Variants in CTSB observed in about 807,000 individuals in gnomAD.
CTSB encodes APP secretase.
In CTSB, 57 loss-of-function variants were observed where a neutral mutation model predicts 44.3. The ratio of observed to expected loss-of-function variants is 1.29; its 90% CI spans 1.04 to 1.60. The LOEUF is 1.60. Ranked by LOEUF, CTSB falls within the 40% of genes most tolerant of loss-of-function variation. The pLI, the probability that CTSB is intolerant of heterozygous loss-of-function variation, is 0.00. For synonymous variants in CTSB, 320 were observed against 168.0 expected (o/e 1.91, Z -7.00); for missense variants, 768 against 443.0 (o/e 1.73, Z -6.59).
At chr8:11,853,195 G>C in intron 2 of CTSB, 134 bp downstream of exon 2, 1 of 1,264,386 alleles carries the variant, frequency 7.9e-7, no homozygotes. Flanking sequence ...CATGACTCAG[G>C]GTCAGGGCCA....
rs762463861 is a variant in CTSB, at chr8:11,852,595, G to A, written c.212+15C>T. Reference sequence around the variant, plus strand: ...GCCACTCACATTACAGCGGTGCAGAGGAGCAGGCACTCACCTCTGGGGTGG... The same window carrying A: ...GCCACTCACATTACAGCGGTGCAGAAGAGCAGGCACTCACCTCTGGGGTGG... On this transcript the variant is annotated intron_variant, in intron 3 of 9. Coordinates refer to ENST00000353047, the MANE Select transcript of CTSB (RefSeq NM_001908.5). The A allele has an allele frequency of 1.9e-6, 3 of 1,608,236 alleles. No homozygotes were observed. The highest frequency in any genetic ancestry group is 2.2e-5 in the South Asian group (2 of 90,850).
chr8:11,847,201 G>A (rs557466863), intron 7 of CTSB, 33 bp from the exon 8 acceptor site: 10 of 1,413,164 alleles, frequency 7.1e-6, no homozygotes, highest in South Asian at 1.2e-5. Flanking sequence ...GGTTGGGGAG[G>A]GCAGTGACCG....
intron 1 of CTSB, chr8:11,867,742 G>A (rs1319897857): frequency 6.6e-6 from 1 of 152,248 alleles, no homozygotes; most frequent in Non-Finnish European, 1.5e-5. Context: ...GCCCGGGGAG[G>A]GGAGCGGAGG....
intron 9 of CTSB, 52 bp downstream of exon 9, chr8:11,845,609 G>A (rs879004999): frequency 3.8e-5 from 60 of 1,588,090 alleles, no homozygotes; most frequent in South Asian, 2.8e-4. Flanking sequence ...AGATGGCCAC[G>A]GGGTGTGGCT....
intron 1 of CTSB, 152 bp from the exon 2 acceptor site, chr8:11,853,631 C>T (rs1815005623): frequency 5.5e-6 from 4 of 730,438 alleles, no homozygotes; most frequent in African/African-American, 5.4e-5. Flanking sequence ...TCTATGGGAT[C>T]CCCGCCCCCC....
At chr8:11,856,677 A>G (rs558043044) in intron 1 of CTSB, among the ~76,000 whole-genome samples, 7 of 152,288 alleles carry the variant, frequency 4.6e-5, no homozygotes, top group South Asian at 2.1e-4. Context: ...CCAAGTCCCA[A>G]TGTTAAGTGG....
At chr8:11,863,785 G>A (rs1009702362) in intron 1 of CTSB, among the ~76,000 whole-genome samples, 1 of 152,172 alleles carries the variant, frequency 6.6e-6, no homozygotes, top group African/African-American at 2.4e-5. Context: ...ACTATCTAGT[G>A]TTGGTAAATG....
At chr8:11,846,634 T>C (rs750160055) in intron 8 of CTSB, among the ~76,000 whole-genome samples, 2 of 151,984 alleles carry the variant, frequency 1.3e-5, no homozygotes, top group East Asian at 1.9e-4. Context: ...AAGAGAAAGA[T>C]GAAGAAAATG....
chr8:11,850,477 T>G (rs1213983782), intron 4 of CTSB: 1 of 154,968 alleles, frequency 6.5e-6, no homozygotes, highest in Non-Finnish European at 1.4e-5. Flanking sequence ...TTGCTAAGAT[T>G]ATTACATTTC....
In CTSB at chr8:11,844,519, G is replaced by C. The variant is rs899445960; in HGVS notation, c.*606C>G. On this transcript the variant is annotated 3_prime_UTR_variant, in exon 10 of 10. Transcript: ENST00000353047. ...CATAAGGAGGCAATCTGTAAAACTA[G>C]CACAGGTCTCCCGCTGTTCCACTGG... 1 of 152,318 alleles carries C rather than the reference G, an allele frequency of 6.6e-6. No homozygotes were observed. 9.4% of individuals were successfully genotyped at this position (152,318 alleles called of 1,614,324 possible).
intron 1 of CTSB, among the ~76,000 whole-genome samples, chr8:11,863,783 G>C (rs1447526584): frequency 1.3e-5 from 2 of 152,144 alleles, no homozygotes; most frequent in Non-Finnish European, 2.9e-5. Context: ...GTACTATCTA[G>C]TGTTGGTAAA....
chr8:11,847,749 T>TC lies in CTSB; in HGVS notation c.605dup (p.Asp203ArgfsTer6), dbSNP rs1276770832. 1.9e-6 allele frequency: 3 copies of TC among 1,601,978 alleles called. No homozygotes were observed. The highest frequency in any genetic ancestry group is 2.6e-6 in the Non-Finnish European group (3 of 1,176,008). On this transcript the variant is annotated frameshift_variant, in exon 7 of 10. Coordinates refer to ENST00000353047, the MANE Select transcript of CTSB (RefSeq NM_001908.5). LOFTEE classifies it high-confidence loss of function. The stretch of plus-strand genomic sequence containing the variant: ...AGATCTTGCTACACTTGGGGGTATC[T>TC]CCCTCCCCCGTGCATGGGGGCCGGG...
chr8:11,846,750 G>A (rs962383084), intron 8 of CTSB, among the ~76,000 whole-genome samples: 8 of 152,236 alleles, frequency 5.3e-5, no homozygotes, highest in Non-Finnish European at 8.8e-5. Context: ...CCACCAGGGA[G>A]GGGGGCGTTC....
intron 8 of CTSB, chr8:11,846,247 G>GGAAA (rs1208520545): frequency 6.6e-6 from 1 of 152,630 alleles, no homozygotes; most frequent in Admixed American, 6.5e-5. Flanking sequence ...CTAGCTGATG[G>GGAAA]GAAAGATACT....
chr8:11,848,674 CTTG>C (rs993190927), intron 5 of CTSB: 32 of 306,664 alleles, frequency 1.0e-4, no homozygotes, highest in East Asian at 2.4e-4. Context: ...GTGCCACCAC[CTTG>C]TTGTTAAGGT....
intron 9 of CTSB, 27 bp from the exon 10 acceptor site, chr8:11,845,249 A>G (rs1386590519): frequency 7.8e-6 from 12 of 1,544,446 alleles, no homozygotes; most frequent in African/African-American, 2.7e-5. Flanking sequence ...AGGTGCTTTT[A>G]AAGTGTGACA....
chr8:11,849,037 C>T lies in CTSB; in HGVS notation c.446+9G>A. On this transcript the variant is annotated intron_variant, in intron 5 of 9. Coordinates refer to ENST00000353047, the MANE Select transcript of CTSB (RefSeq NM_001908.5). The stretch of plus-strand genomic sequence containing the variant: ...ACTAAACCCGCTGTGGAAGCACAGC[C>T]TGACTCACCCGTCCCCACACATGCT... 6.2e-7 allele frequency: 1 copy of T among 1,606,636 alleles called. No homozygotes were observed. Among genetic ancestry groups the T allele is most frequent in the African/African-American group, 1.3e-5 (1 of 74,902 alleles).
rs1435140597 is a variant in CTSB at position 11,845,139 on chromosome 8, A to G, written c.1006T>C (p.Trp336Arg). 2 of 1,612,882 alleles carry G rather than the reference A, an allele frequency of 1.2e-6. No homozygotes were observed. Among genetic ancestry groups the G allele is most frequent in the Admixed American group, 1.7e-5 (1 of 60,000 alleles). The change falls in exon 10 of 10, where the codon TGG becomes CGG. Residue 336 changes from tryptophan (W) to arginine (R), a missense_variant. Transcript: ENST00000353047. ...VAGIPRTDQY[W>R]EKI ...CCCACGGCAGATTAGATCTTTTCCCAGTACTGATCGGTGCGTGGAATTCCA... is the reference window on the plus strand; with the variant it reads ...CCCACGGCAGATTAGATCTTTTCCCGGTACTGATCGGTGCGTGGAATTCCA...
chr8:11,847,443 AG>A (rs1290465393), intron 7 of CTSB, among the ~76,000 whole-genome samples: 2 of 152,304 alleles, frequency 1.3e-5, no homozygotes, highest in African/African-American at 4.8e-5. Context: ...CCCTTGTAAA[AG>A]GAGGGCTTTG....
Sources: gnomAD v4.1 joint callset for allele counts (sites outside exome capture counted in the v4.1 genomes callset) on GRCh38, gnomAD v4.1.1 for gene constraint, MANE v1.5 for transcripts, NCBI Gene and HGNC (gene_info 2026-07-23, HGNC 2026-07-21) for gene names.